CCDC171: variants seen among roughly 807,000 people sequenced by gnomAD.
CCDC171 encodes coiled-coil domain containing 171, also known as coiled-coil domain-containing protein 171.
Under a neutral mutation model 168.2 loss-of-function variants are expected in CCDC171, and 177 were observed. The observed-to-expected ratio is 1.05, with a 90% confidence interval of 0.93 to 1.19. The LOEUF (loss-of-function observed/expected upper bound fraction) is 1.19. Among genes scored for constraint, CCDC171 ranks in the 50% most tolerant of loss-of-function variants. The pLI is 0.00. For synonymous variants in CCDC171, 687 were observed against 540.8 expected, an observed-to-expected ratio of 1.27 and a Z score of -3.75; for missense variants, 1,991 against 1,539.0, an observed-to-expected ratio of 1.29 and a Z score of -4.91.
chr9:16,102,506 G>A, the CCDC171 span, among the ~76,000 whole-genome samples: 2 of 140,502 alleles, frequency 1.4e-5, no homozygotes, highest in Non-Finnish European at 3.1e-5. Context: ...GGCGGGGGTG[G>A]GGGCAGGGGG....
chr9:16,097,749 G>C, the CCDC171 span, among the ~76,000 whole-genome samples: 8 of 152,228 alleles, frequency 5.3e-5, no homozygotes, highest in South Asian at 2.1e-4. Context: ...CATTTACAAA[G>C]AGGCTCATTG....
chr9:15,663,280 G>A (rs1410905749), intron 8 of CCDC171, among the ~76,000 whole-genome samples: 2 of 152,210 alleles, frequency 1.3e-5, no homozygotes, highest in East Asian at 1.9e-4. Context: ...TCTGTCTAAT[G>A]TGAAGCATTT....
intron 2 of CCDC171, among the ~76,000 whole-genome samples, chr9:15,567,932 A>G (rs1045412934): frequency 3.3e-5 from 5 of 151,720 alleles, no homozygotes; most frequent in Non-Finnish European, 4.4e-5. Flanking sequence ...GGCATCAGGC[A>G]TGAGCCACCA....
intron 3 of CCDC171, among the ~76,000 whole-genome samples, chr9:15,987,643 A>G (rs950973934): frequency 1.3e-5 from 2 of 148,990 alleles, no homozygotes; most frequent in African/African-American, 5.0e-5. Context: ...CAGCTGTTAA[A>G]GGAGTGAGAT....
At chr9:16,074,316 A>G in the CCDC171 span, among the ~76,000 whole-genome samples, 3 of 152,148 alleles carry the variant, frequency 2.0e-5, no homozygotes, top group African/African-American at 7.2e-5. Flanking sequence ...TTGAAAACCA[A>G]TTTTACTGGC....
chr9:15,956,128 T>C (rs1225593793), intron 25 of CCDC171, among the ~76,000 whole-genome samples: 2 of 152,154 alleles, frequency 1.3e-5, no homozygotes, highest in African/African-American at 4.8e-5. Flanking sequence ...TTTGCCTTTA[T>C]GTAAAGAAAG....
the CCDC171 span, among the ~76,000 whole-genome samples, chr9:16,088,483 C>T: frequency 1.1e-4 from 16 of 152,168 alleles, no homozygotes; most frequent in Non-Finnish European, 2.1e-4. Context: ...ATTGTCTCAG[C>T]CCAAAATCTC....
chr9:15,704,193 G>A (rs1057033071), intron 11 of CCDC171, among the ~76,000 whole-genome samples: 13 of 114,250 alleles, frequency 1.1e-4, no homozygotes, highest in African/African-American at 3.4e-4. Flanking sequence ...ACATTTGTGT[G>A]TATTTGTTTG....
At chr9:15,834,349 T>G (rs1449393148) in intron 21 of CCDC171, among the ~76,000 whole-genome samples, 3 of 152,200 alleles carry the variant, frequency 2.0e-5, no homozygotes, top group Non-Finnish European at 2.9e-5. Flanking sequence ...GTTTAATTCA[T>G]TTTAGAGGTA....
intron 24 of CCDC171, among the ~76,000 whole-genome samples, chr9:15,881,771 A>G (rs1044732667): frequency 2.0e-5 from 3 of 152,176 alleles, no homozygotes; most frequent in African/African-American, 4.8e-5. Context: ...CTGCAGTTCT[A>G]TCTGTGTTGC....
intron 24 of CCDC171, among the ~76,000 whole-genome samples, chr9:15,907,630 A>T (rs1321073345): frequency 6.6e-6 from 1 of 152,222 alleles, no homozygotes; most frequent in African/African-American, 2.4e-5. Flanking sequence ...ACCAAAAGCA[A>T]TGGCAACAAA....
At chr9:15,837,529 T>C (rs569052582) in intron 21 of CCDC171, among the ~76,000 whole-genome samples, 3 of 152,336 alleles carry the variant, frequency 2.0e-5, no homozygotes, top group Non-Finnish European at 4.4e-5. Flanking sequence ...ATATATATTT[T>C]TCAACTATTA....
Position 15,783,298 on chromosome 9 carries a change from T to G in CCDC171, c.3082-1211T>G, listed in dbSNP as rs2057762347. ...AAACTGTGACTATGCACATTTCTAT[T>G]TTTGTCTTATTTGTCAGAAAAATAA... On this transcript the variant is annotated intron_variant, in intron 20 of 25. Coordinates refer to ENST00000380701, the MANE Select transcript of CCDC171 (RefSeq NM_173550.4). Among the ~76,000 whole-genome samples, 4 of 152,352 alleles carry G rather than the reference T, an allele frequency of 2.6e-5. No individual in the cohort carries two copies. In the South Asian group the frequency reaches 8.3e-4, roughly 32 times the overall value.
chr9:15,712,542 G>A (rs1266294740), intron 11 of CCDC171, among the ~76,000 whole-genome samples: 1 of 152,228 alleles, frequency 6.6e-6, no homozygotes, highest in African/African-American at 2.4e-5. Context: ...ACATGATGGT[G>A]AATTAAAGTA....
chr9:15,686,073 T>C (rs923543010), intron 10 of CCDC171, among the ~76,000 whole-genome samples: 7 of 152,190 alleles, frequency 4.6e-5, no homozygotes, highest in African/African-American at 1.7e-4. Flanking sequence ...ATATTTTAGT[T>C]AAGATTGAGC....
the CCDC171 span, among the ~76,000 whole-genome samples, chr9:16,090,043 C>T: frequency 6.6e-6 from 1 of 152,198 alleles, no homozygotes; most frequent in South Asian, 2.1e-4. Context: ...CCAGAAATAC[C>T]GTTTGACCCA....
intron 11 of CCDC171, among the ~76,000 whole-genome samples, chr9:15,718,002 A>G (rs2053203105): frequency 6.6e-6 from 1 of 152,066 alleles, no homozygotes; most frequent in African/African-American, 2.4e-5. Flanking sequence ...TAGCTTGGCC[A>G]CAGGGTGGTA....
chr9:15,909,157 A>G (rs983475504), intron 24 of CCDC171, among the ~76,000 whole-genome samples: 1 of 152,152 alleles, frequency 6.6e-6, no homozygotes, highest in South Asian at 2.1e-4. Context: ...TTGAGAGTAA[A>G]TGTTTTAGGG....
At chr9:15,782,333 C>T (rs1002717385) in intron 20 of CCDC171, among the ~76,000 whole-genome samples, 52 of 152,132 alleles carry the variant, frequency 3.4e-4, no homozygotes, top group Non-Finnish European at 7.4e-5. Flanking sequence ...TTTATTAGCT[C>T]CTTACACTTG....
Sources: gnomAD v4.1 joint callset for allele counts (sites outside exome capture counted in the v4.1 genomes callset) on GRCh38, gnomAD v4.1.1 for gene constraint, MANE v1.5 for transcripts, NCBI Gene and HGNC (gene_info 2026-07-23, HGNC 2026-07-21) for gene names.